PLAG1: variants seen among roughly 807,000 people sequenced by gnomAD.
PLAG1 encodes zinc finger protein PLAG1.
PLAG1 carries 7 observed loss-of-function variants against 35.5 expected under a neutral mutation model. That is an observed-to-expected ratio of 0.20 (90% confidence interval 0.11 to 0.37). PLAG1 has a LOEUF of 0.37. Among genes scored for constraint, PLAG1 ranks in the 10% least tolerant of loss-of-function variants. The pLI is 1.00. For synonymous variants in PLAG1, 229 were observed against 225.4 expected (o/e 1.02, Z -0.14); for missense variants, 454 against 602.8 (o/e 0.75, Z 2.58).
rs1222219945 is a variant in PLAG1 at position 56,164,727 on chromosome 8, G to GA, written c.*1515dup. On this transcript the variant is annotated 3_prime_UTR_variant, in exon 5 of 5. Transcript: ENST00000316981. ...AAAAATATATTAATTAGACCTTTAAGAAGATTATGTTGGTTGTCTAATGTG... is the reference window on the plus strand; with the variant it reads ...AAAAATATATTAATTAGACCTTTAAGAAAGATTATGTTGGTTGTCTAATGTG... 4.6e-6 allele frequency: 1 copy of GA among 216,546 alleles called. No homozygotes were observed. Among genetic ancestry groups the GA allele is most frequent in the East Asian group, 6.9e-5 (1 of 14,556 alleles). The allele number at this position is 216,546 out of a possible 1,614,324, so 13.4% of individuals were successfully genotyped here.
At position 56,167,270 on chromosome 8, in the gene PLAG1, A is replaced by G. The variant is rs146175571; in HGVS notation, c.476T>C (p.Phe159Ser). 3 of 1,614,094 alleles carry G rather than the reference A, an allele frequency of 1.9e-6. No individual in the cohort carries two copies. Among genetic ancestry groups the G allele is most frequent in the Non-Finnish European group, 1.7e-6 (2 of 1,180,002 alleles). The change falls in exon 5 of 5, where the codon TTT becomes TCT. Residue 159 changes from phenylalanine to serine, a missense_variant. Phe to Ser is a radical substitution (Grantham distance 155). Transcript: ENST00000316981. This position sits in a 1 kb window ranked among gnomAD's most constrained non-coding sequence, Gnocchi z 5.9. Reference protein sequence around the residue: ...DLTCKVCLQTFESTGVLLEHL... With the variant: ...DLTCKVCLQTSESTGVLLEHL... ...CTCCAGAAGCACTCCCGTGCTTTCA[A>G]AAGTTTGCAAACATACCTTACAGGT...
chr8:56,172,228 T>G (rs1563376504), intron 2 of PLAG1, among the ~76,000 whole-genome samples: 1 of 152,200 alleles, frequency 6.6e-6, no homozygotes. Flanking sequence ...GATGTCTAAA[T>G]AAAGTATTTA....
At chr8:56,206,257 T>C (rs904627559) in intron 1 of PLAG1, among the ~76,000 whole-genome samples, 2 of 152,046 alleles carry the variant, frequency 1.3e-5, no homozygotes, top group African/African-American at 4.8e-5. Flanking sequence ...AGCAGACTAA[T>C]CGATTTAAAA....
chr8:56,174,374 C>T (rs1359844449), intron 2 of PLAG1, among the ~76,000 whole-genome samples: 2 of 152,122 alleles, frequency 1.3e-5, no homozygotes, highest in Non-Finnish European at 2.9e-5. Flanking sequence ...ATACTTAGAA[C>T]ATTTTTAAGA....
At chr8:56,196,987 T>TGTGTGTGTGTGTGTGTGTGC (rs1227336889) in intron 1 of PLAG1, among the ~76,000 whole-genome samples, 2 of 149,546 alleles carry the variant, frequency 1.3e-5, no homozygotes, top group Admixed American at 6.7e-5. Context: ...TGTGTGTGTG[T>TGTGTGTGTGTGTGTGTGTGC]GCTCCTCTCT....
At chr8:56,186,559 G>C (rs1812023967) in intron 1 of PLAG1, among the ~76,000 whole-genome samples, 1 of 151,568 alleles carries the variant, frequency 6.6e-6, no homozygotes, top group African/African-American at 2.4e-5. Flanking sequence ...TTTTGGTAGA[G>C]ACGGGGTTTT....
intron 2 of PLAG1, chr8:56,171,418 T>C (rs1585781111): frequency 6.6e-6 from 1 of 152,316 alleles, no homozygotes; most frequent in East Asian, 1.9e-4. Context: ...AAATAGCAAT[T>C]TGTGATGCTG....
In PLAG1 at chr8:56,173,097, T is replaced by TA. The variant is rs1000882025; in HGVS notation, c.-216-1909dup. ...TTTATTGCATTCTCAAATACATTCA[T>TA]AAAATCTTTATTTATGCTTATTGTT... is the stretch of plus-strand genomic sequence containing the variant. On this transcript the variant is annotated intron_variant, in intron 2 of 4. Coordinates refer to ENST00000316981, the MANE Select transcript of PLAG1 (RefSeq NM_002655.3). Among the ~76,000 whole-genome samples the TA allele has an allele frequency of 3.9e-5, 6 of 152,248 alleles. 1 individual carries two copies. Among genetic ancestry groups the TA allele is most frequent in the African/African-American group, 1.2e-4 (5 of 41,574 alleles).
chr8:56,181,177 G>T (rs1322045695), intron 1 of PLAG1, among the ~76,000 whole-genome samples: 1 of 152,168 alleles, frequency 6.6e-6, no homozygotes, highest in Non-Finnish European at 1.5e-5. Context: ...CAAGGATCTT[G>T]AACTAGAAAT....
rs574813846 is a variant in PLAG1, at chr8:56,168,120, C to T, written c.150G>A (p.Lys50=). The T allele has an allele frequency of 8.1e-6, 13 of 1,613,614 alleles. No homozygotes were observed. In the South Asian group the frequency reaches 1.4e-4, roughly 18 times the overall value. Residue 50 remains lysine, a synonymous_variant, in exon 4 of 5, where the codon AAG becomes AAA. Transcript: ENST00000316981. ...CTCCTGTGTGAGAGTAGGAGTGAACCTTTAATTTCTCAACACTGTTAAAGG... is the reference window on the plus strand; with the variant it reads ...CTCCTGTGTGAGAGTAGGAGTGAACTTTTAATTTCTCAACACTGTTAAAGG... The part of the protein sequence containing the change: ...DKAFNSVEKL[K]VHSYSHTGER...
At chr8:56,208,464 G>A (rs889389610) in intron 1 of PLAG1, among the ~76,000 whole-genome samples, 21 of 152,268 alleles carry the variant, frequency 1.4e-4, no homozygotes, top group African/African-American at 4.8e-4. Flanking sequence ...ATGTGATGTT[G>A]TATAGAGGTA....
intron 1 of PLAG1, among the ~76,000 whole-genome samples, chr8:56,186,353 G>T (rs1812015903): frequency 6.6e-6 from 1 of 151,950 alleles, no homozygotes; most frequent in Admixed American, 6.6e-5. Context: ...TTCTAATTAG[G>T]TTATTTTATT....
chr8:56,199,980 C>A (rs1191950210), intron 1 of PLAG1, among the ~76,000 whole-genome samples: 13 of 152,176 alleles, frequency 8.5e-5, no homozygotes, highest in Admixed American at 6.5e-4. Flanking sequence ...GGTACCCTCT[C>A]AACGGAATAA....
Position 56,173,544 on chromosome 8 carries a change from A to G in PLAG1, c.-216-2355T>C, listed in dbSNP as rs111438761. On this transcript the variant is annotated intron_variant, in intron 2 of 4. Transcript: ENST00000316981. ...AAGCACCAGGAGTACTATTCTGAAA[A>G]GTGCAACAAAACTTGGTTTGGTACT... Among the ~76,000 whole-genome samples the G allele has an allele frequency of 9.5e-3, 1,440 of 152,166 alleles. 18 individuals carry two copies. Among genetic ancestry groups the G allele is most frequent in the Middle Eastern group, 0.02 (6 of 294 alleles).
chr8:56,195,437 C>T (rs1322274761), intron 1 of PLAG1, among the ~76,000 whole-genome samples: 1 of 152,162 alleles, frequency 6.6e-6, no homozygotes, highest in African/African-American at 2.4e-5. Context: ...GAGTCACTTC[C>T]CAGTTCACGG....
chr8:56,210,737 G>A (rs1424367930), intron 1 of PLAG1, among the ~76,000 whole-genome samples: 2 of 151,836 alleles, frequency 1.3e-5, no homozygotes, highest in Admixed American at 6.6e-5. Flanking sequence ...CGCTGCTGCC[G>A]CTGCCGCTGT....
In PLAG1 at chr8:56,166,868, G is replaced by A; in HGVS notation, c.878C>T (p.Thr293Ile). Reference sequence around the variant, plus strand: ...CGAGCTCTGCATGGACTGAAATGGAGTGTTGTAGAGGTTTAACTGCAAAGT... The same window carrying A: ...CGAGCTCTGCATGGACTGAAATGGAATGTTGTAGAGGTTTAACTGCAAAGT... ...TNTLQLNLYN[T>I]PFQSMQSSGS... Residue 293 changes from threonine (T) to isoleucine (I), a missense_variant, in exon 5 of 5, where the codon ACT becomes ATT. This residue lies in a region of PLAG1 where 271 missense variants were observed against 315.6 expected (regional missense o/e 0.86). Coordinates refer to ENST00000316981, the MANE Select transcript of PLAG1 (RefSeq NM_002655.3). 1 of 1,614,148 alleles carries A rather than the reference G, an allele frequency of 6.2e-7. No homozygotes were observed. Among genetic ancestry groups the A allele is most frequent in the Non-Finnish European group, 8.5e-7 (1 of 1,179,990 alleles).
intron 2 of PLAG1, among the ~76,000 whole-genome samples, chr8:56,172,263 T>C (rs953987030): frequency 6.6e-6 from 1 of 152,202 alleles, no homozygotes; most frequent in Admixed American, 6.5e-5. Context: ...AGCATCATTA[T>C]AAAAATGCCA....
chr8:56,207,299 G>A (rs1210073415), intron 1 of PLAG1, among the ~76,000 whole-genome samples: 1 of 151,686 alleles, frequency 6.6e-6, no homozygotes, highest in African/African-American at 2.4e-5. Context: ...ATTTAATTTA[G>A]GAAACAACAA....
Sources: allele counts gnomAD v4.1 joint callset (sites outside exome capture counted in the v4.1 genomes callset), GRCh38; gene constraint gnomAD v4.1.1; regional missense constraint gnomAD v4.1.1; non-coding constraint Gnocchi (gnomAD v3.1); transcripts MANE v1.5; gene names NCBI Gene and HGNC (gene_info 2026-07-23, HGNC 2026-07-21).